HRH4: variants seen among roughly 807,000 people sequenced by gnomAD.
HRH4 encodes the protein histamine receptor H4.
HRH4 carries 12 observed loss-of-function variants against 10.4 expected under a neutral mutation model. The observed-to-expected ratio is 1.15, with a 90% CI of 0.74 to 1.87. The LOEUF (loss-of-function observed/expected upper bound fraction) is 1.87, where lower values mean the gene tolerates loss of function less well. Among genes scored for constraint, HRH4 ranks in the 40% most tolerant of loss-of-function variants. HRH4 has a pLI of 0.00. For synonymous variants in HRH4, 154 were observed against 166.6 expected (o/e 0.92, Z 0.58); for missense variants, 415 against 453.3 (o/e 0.92, Z 0.77).
chr18:24,476,101 A>G lies in HRH4; in HGVS notation c.358-646A>G, dbSNP rs368237102. ...TGAGAGTCTTTCTGTTTTTGATTCCACCTTGAAGTCTCAGCAAAAACCACA... is the reference window on the plus strand; with the variant it reads ...TGAGAGTCTTTCTGTTTTTGATTCCGCCTTGAAGTCTCAGCAAAAACCACA... On this transcript the variant is annotated intron_variant, in intron 2 of 2. Coordinates refer to ENST00000256906, the MANE Select transcript of HRH4 (RefSeq NM_021624.4). Among the ~76,000 whole-genome samples the G allele has an allele frequency of 1.8e-3, 280 of 152,208 alleles. 2 individuals are homozygous for G. Among genetic ancestry groups the G allele is most frequent in the Middle Eastern group, 6.8e-3 (2 of 294 alleles).
At chr18:24,461,440 A>G (rs1909634989) in intron 1 of HRH4, among the ~76,000 whole-genome samples, 2 of 152,184 alleles carry the variant, frequency 1.3e-5, no homozygotes, top group South Asian at 4.1e-4. Flanking sequence ...ACTGCCTTGC[A>G]TATAATATGA....
chr18:24,477,030 C>A lies in HRH4; in HGVS notation c.641C>A (p.Pro214His), dbSNP rs755757125. Residue 214 changes from proline to histidine, a missense_variant, in exon 3 of 3, where the codon CCT becomes CAT. By Grantham distance (77) the Pro-to-His change is moderately conservative. Transcript: ENST00000256906. ...CATCTCAGTAGGTGCCAAAGCCATC[C>A]TGGACTGACTGCTGTCTCTTCCAAC... ...RDHLSRCQSH[P>H]GLTAVSSNIC... The A allele has an allele frequency of 1.9e-6, 3 of 1,614,194 alleles. No individual in the cohort carries two copies. The highest frequency in any genetic ancestry group is 2.5e-6 in the Non-Finnish European group (3 of 1,180,026).
chr18:24,464,144 A>C (rs1909714002), intron 1 of HRH4, among the ~76,000 whole-genome samples: 1 of 152,210 alleles, frequency 6.6e-6, no homozygotes, highest in Non-Finnish European at 1.5e-5. Context: ...TCAGGCTGCC[A>C]TAACAAAATA....
At chr18:24,464,518 C>T (rs921326262) in intron 1 of HRH4, among the ~76,000 whole-genome samples, 2 of 152,100 alleles carry the variant, frequency 1.3e-5, no homozygotes, top group African/African-American at 2.4e-5. Flanking sequence ...CCATAACACC[C>T]TCTGTGCACT....
intron 2 of HRH4, among the ~76,000 whole-genome samples, chr18:24,472,186 C>T (rs1486083974): frequency 6.6e-6 from 1 of 152,166 alleles, no homozygotes; most frequent in Non-Finnish European, 1.5e-5. Context: ...GCTGGGATTA[C>T]AGGCGCGTGC....
At chr18:24,470,352 T>C (rs1362628456) in intron 2 of HRH4, among the ~76,000 whole-genome samples, 1 of 152,176 alleles carries the variant, frequency 6.6e-6, no homozygotes, top group Non-Finnish European at 1.5e-5. Context: ...TAATTTGGCT[T>C]TGTAGAACCT....
chr18:24,470,378 A>G (rs1441829389), intron 2 of HRH4, among the ~76,000 whole-genome samples: 1 of 152,150 alleles, frequency 6.6e-6, no homozygotes, highest in Non-Finnish European at 1.5e-5. Context: ...TTCTGTTGCA[A>G]CTGCTCAAAT....
intron 1 of HRH4, among the ~76,000 whole-genome samples, chr18:24,466,478 C>T (rs533896990): frequency 2.0e-5 from 3 of 151,966 alleles, no homozygotes; most frequent in Admixed American, 6.6e-5. Context: ...ATGAAAGGCA[C>T]CCTAAGGAAG....
chr18:24,464,198 A>C (rs1425426989), intron 1 of HRH4, among the ~76,000 whole-genome samples: 2 of 152,144 alleles, frequency 1.3e-5, no homozygotes, highest in Non-Finnish European at 2.9e-5. Context: ...ATTTTCTCAC[A>C]GTTCTGGAGC....
At chr18:24,473,775 A>G (rs1910048948) in intron 2 of HRH4, among the ~76,000 whole-genome samples, 1 of 152,192 alleles carries the variant, frequency 6.6e-6, no homozygotes. Context: ...CCTGAAATCC[A>G]TCTCATTATG....
In HRH4 at chr18:24,479,924, T is replaced by C. The variant is rs955072356; in HGVS notation, c.*2362T>C. On this transcript the variant is annotated 3_prime_UTR_variant, in exon 3 of 3. Coordinates refer to ENST00000256906, the MANE Select transcript of HRH4 (RefSeq NM_021624.4). ...ACATGTTTAACATTCAATAATAATTTTAAAAATTTGAGAAATAAACTCTCA... is the reference window on the plus strand; with the variant it reads ...ACATGTTTAACATTCAATAATAATTCTAAAAATTTGAGAAATAAACTCTCA... 6.6e-6 allele frequency: 1 copy of C among 152,160 alleles called. No homozygotes were observed. Among genetic ancestry groups the C allele is most frequent in the Non-Finnish European group, 1.5e-5 (1 of 68,030 alleles). The allele number at this position is 152,160 out of a possible 1,614,324, so 9.4% of individuals were successfully genotyped here.
In HRH4 at chr18:24,460,888, T is replaced by C. The variant is rs751158644; in HGVS notation, c.160T>C (p.Phe54Leu). The C allele has an allele frequency of 3.8e-6, 6 of 1,580,176 alleles. 1 individual carries two copies. The highest frequency in any genetic ancestry group is 3.5e-5 in the South Asian group (3 of 86,148). ...CCTTAGACATCGAAGTAGTTATTTT[T>C]TTCTTAACTTGGCCATCTCTGACTT... ...KNLRHRSSYF[F>L]LNLAISDFFV... is the part of the protein sequence containing the mutation. Residue 54 changes from phenylalanine to leucine, a missense_variant, in exon 1 of 3, where the codon TTT (phenylalanine) becomes CTT (leucine). By Grantham distance (22) the Phe-to-Leu change is conservative (BLOSUM62 0). Transcript: ENST00000256906.
intron 1 of HRH4, among the ~76,000 whole-genome samples, chr18:24,466,100 T>C (rs1349978118): frequency 1.3e-5 from 2 of 151,442 alleles, no homozygotes; most frequent in East Asian, 3.9e-4. Context: ...GTGACCTATA[T>C]TATTTTATAT....
intron 2 of HRH4, among the ~76,000 whole-genome samples, chr18:24,474,621 T>C (rs1910082546): frequency 6.6e-6 from 1 of 151,150 alleles, no homozygotes; most frequent in Non-Finnish European, 1.5e-5. Context: ...GTAGATCCAT[T>C]TTTTTTTGCC....
At chr18:24,464,797 C>T (rs141330169) in intron 1 of HRH4, among the ~76,000 whole-genome samples, 4 of 152,158 alleles carry the variant, frequency 2.6e-5, no homozygotes, top group South Asian at 4.1e-4. Flanking sequence ...AAAATCCCTG[C>T]CCTCATGATG....
chr18:24,477,282 C>T lies in HRH4; in HGVS notation c.893C>T (p.Ala298Val). The T allele has an allele frequency of 6.2e-7, 1 of 1,614,216 alleles. No individual in the cohort carries two copies. Among genetic ancestry groups the T allele is most frequent in the South Asian group, 1.1e-5 (1 of 91,078 alleles). ...HQREHVELLR[A>V]RRLAKSLAIL... ...AGGGAACATGTTGAACTGCTTAGAG[C>T]CAGGAGATTAGCCAAGTCACTGGCC... Residue 298 changes from alanine to valine, a missense_variant, in exon 3 of 3, where the codon GCC becomes GTC. By Grantham distance (64) the Ala-to-Val change is moderately conservative. Transcript: ENST00000256906.
intron 2 of HRH4, among the ~76,000 whole-genome samples, chr18:24,470,499 C>CTCTTTTTTTT (rs1435856728): frequency 2.3e-5 from 1 of 43,664 alleles, no homozygotes; most frequent in African/African-American, 1.1e-4. Context: ...ATTTGTTTCT[C>CTCTTTTTTTT]TATTTTTTTT....
Position 24,468,790 on chromosome 18 carries a change from G to T in HRH4, c.196G>T (p.Val66Leu), listed in dbSNP as rs1909849037. 3 of 1,611,530 alleles carry T rather than the reference G, an allele frequency of 1.9e-6. No individual in the cohort carries two copies. The highest frequency in any genetic ancestry group is 2.5e-6 in the Non-Finnish European group (3 of 1,179,168). Residue 66 changes from valine to leucine, a missense_variant and splice_region_variant, in exon 2 of 3, where the codon GTG (valine) becomes TTG (leucine). Transcript: ENST00000256906. The part of the protein sequence containing the change: ...NLAISDFFVG[V>L]ISIPLYIPHT... ...ACACTTATGTTTTCCCTGTGCAGGT[G>T]TGATCTCCATTCCTTTGTACATCCC... is the stretch of plus-strand genomic sequence containing the variant.
intron 2 of HRH4, among the ~76,000 whole-genome samples, chr18:24,474,921 T>G (rs1433654874): frequency 6.6e-6 from 1 of 152,074 alleles, no homozygotes; most frequent in Non-Finnish European, 1.5e-5. Context: ...CCTGGCCTTG[T>G]GATCTGCCTG....
Sources: gnomAD v4.1 joint callset for allele counts (sites outside exome capture counted in the v4.1 genomes callset) on GRCh38, gnomAD v4.1.1 for gene constraint, MANE v1.5 for transcripts, NCBI Gene and HGNC (gene_info 2026-07-23, HGNC 2026-07-21) for gene names.